LRRC53: variants seen among roughly 807,000 people sequenced by gnomAD.
LRRC53 encodes leucine-rich repeat-containing protein 53.
A neutral mutation model predicts 13.6 loss-of-function variants in LRRC53; 25 were observed. That is an observed-to-expected ratio of 1.83 (90% CI 1.34 to 2.56). The LOEUF is 2.56. Among genes scored for constraint, LRRC53 ranks in the 30% most tolerant of loss-of-function variants. LRRC53 has a pLI of 0.00. For missense variants in LRRC53, 527 were observed against 275.8 expected (o/e 1.91, Z -6.45); for synonymous variants, 204 against 109.8 (o/e 1.86, Z -5.37).
At chr1:74,531,597 G>T in the LRRC53 span, among the ~76,000 whole-genome samples, 59 of 152,302 alleles carry the variant, frequency 3.9e-4, no homozygotes, top group African/African-American at 1.4e-3. Context: ...GATGACTCTA[G>T]TAGCCTTTTC....
the LRRC53 span, among the ~76,000 whole-genome samples, chr1:74,518,471 T>C: frequency 6.6e-6 from 1 of 152,154 alleles, no homozygotes; most frequent in Non-Finnish European, 1.5e-5. Flanking sequence ...TGAGATGCTT[T>C]TCTTACCTCA....
intron 1 of LRRC53, among the ~76,000 whole-genome samples, chr1:74,494,130 G>A (rs1256055805): frequency 2.6e-5 from 4 of 152,032 alleles, no homozygotes; most frequent in South Asian, 2.1e-4. Flanking sequence ...CTCCGTCCAC[G>A]TGAGCACCAA....
At chr1:74,515,253 A>C (rs1646332999), upstream of LRRC53, among the ~76,000 whole-genome samples, 1 of 152,226 alleles carries the variant, frequency 6.6e-6, no homozygotes, top group Non-Finnish European at 1.5e-5. Flanking sequence ...CATAGAGCTT[A>C]GGAAGAAAAC....
upstream of LRRC53, among the ~76,000 whole-genome samples, chr1:74,514,034 C>T (rs1442583257): frequency 1.3e-5 from 2 of 152,046 alleles, no homozygotes; most frequent in East Asian, 3.9e-4. Context: ...GGTTGTCAGC[C>T]AGTAAACGAT....
intron 1 of LRRC53, among the ~76,000 whole-genome samples, chr1:74,511,174 G>A (rs978380250): frequency 1.3e-5 from 2 of 148,758 alleles, no homozygotes; most frequent in African/African-American, 2.5e-5. Context: ...GATTACAGGC[G>A]TGAGCTACCG....
At chr1:74,528,719 C>T in the LRRC53 span, among the ~76,000 whole-genome samples, 1 of 152,196 alleles carries the variant, frequency 6.6e-6, no homozygotes, top group African/African-American at 2.4e-5. Flanking sequence ...TGTTTACACA[C>T]CTATGTATGC....
At chr1:74,503,584 T>C (rs1034117139) in intron 1 of LRRC53, among the ~76,000 whole-genome samples, 2 of 149,562 alleles carry the variant, frequency 1.3e-5, no homozygotes, top group African/African-American at 5.0e-5. Context: ...GACAAGACCA[T>C]TTTTTTTTAG....
intron 1 of LRRC53, chr1:74,492,315 C>A: frequency 1.4e-6 from 2 of 1,417,398 alleles, no homozygotes; most frequent in Non-Finnish European, 1.9e-6. Flanking sequence ...ATTTCAGAAT[C>A]TTATCAAGAC....
At chr1:74,498,402 C>T (rs2100330556) in intron 1 of LRRC53, among the ~76,000 whole-genome samples, 1 of 152,264 alleles carries the variant, frequency 6.6e-6, no homozygotes, top group Non-Finnish European at 1.5e-5. Context: ...CGTTATAATT[C>T]ATGTTATTTT....
At chr1:74,514,388 C>T (rs1646317025), upstream of LRRC53, among the ~76,000 whole-genome samples, 1 of 152,036 alleles carries the variant, frequency 6.6e-6, no homozygotes, top group Non-Finnish European at 1.5e-5. Context: ...AGTTCCTTAT[C>T]GAGAGGAAGC....
chr1:74,530,620 C>A, the LRRC53 span, among the ~76,000 whole-genome samples: 174 of 152,180 alleles, frequency 1.1e-3, no homozygotes, highest in African/African-American at 3.9e-3. Context: ...TAGGTTATTT[C>A]AATTCTCAAG....
At chr1:74,533,131 C>A in the LRRC53 span, among the ~76,000 whole-genome samples, 2 of 152,032 alleles carry the variant, frequency 1.3e-5, no homozygotes, top group Non-Finnish European at 2.9e-5. Context: ...AACAGGCAAC[C>A]TACAAAATGG....
chr1:74,473,503 C>T lies in LRRC53; in HGVS notation c.1421-1302G>A, dbSNP rs375811234. On this transcript the variant is annotated intron_variant, in intron 4 of 4. Coordinates refer to ENST00000294635, the MANE Select transcript of LRRC53 (RefSeq NM_001382280.1). The stretch of plus-strand genomic sequence containing the variant: ...CAAAACATCTTAACCGCAAAAAATC[C>T]TAACAGCACTATTGCTATTTAAAAG... Among the ~76,000 whole-genome samples the T allele has an allele frequency of 1.8e-3, 272 of 151,396 alleles. 8 individuals carry two copies. The South Asian group carries it at 0.055, about 31-fold the overall frequency.
chr1:74,489,108 G>T (rs1235140972), intron 1 of LRRC53: 2 of 1,156,872 alleles, frequency 1.7e-6, no homozygotes, highest in Non-Finnish European at 2.5e-6. Context: ...CTTTACAAAT[G>T]CTAATACCCA....
chr1:74,482,474 G>A lies in LRRC53; in HGVS notation c.88+788C>T, dbSNP rs79050197. Among the ~76,000 whole-genome samples, 1,370 of 152,272 alleles carry A rather than the reference G, an allele frequency of 9.0e-3. 11 individuals are homozygous for A. The highest frequency in any genetic ancestry group is 0.027 in the African/African-American group (1,120 of 41,562). On this transcript the variant is annotated intron_variant, in intron 2 of 4. Transcript: ENST00000294635. ...GTTAAAGCATTTTCAATACTGATTA[G>A]AAACGATATACACATCAACTATCCA...
intron 1 of LRRC53, among the ~76,000 whole-genome samples, chr1:74,498,862 T>A (rs566416359): frequency 3.2e-4 from 48 of 152,238 alleles, no homozygotes; most frequent in African/African-American, 6.5e-4. Flanking sequence ...TTAAAAAAAA[T>A]TTTAATATTT....
intron 1 of LRRC53, among the ~76,000 whole-genome samples, chr1:74,502,747 C>A (rs1338226709): frequency 6.6e-6 from 1 of 152,174 alleles, no homozygotes; most frequent in African/African-American, 2.4e-5. Flanking sequence ...TCAGCTTATG[C>A]CTCCTGAAGA....
chr1:74,488,936 C>T (rs185390245), intron 1 of LRRC53, among the ~76,000 whole-genome samples: 17 of 152,286 alleles, frequency 1.1e-4, no homozygotes, highest in African/African-American at 3.8e-4. Context: ...CTAATTAAAG[C>T]TTTTCCACTA....
chr1:74,536,537 G>A, the LRRC53 span, among the ~76,000 whole-genome samples: 1 of 151,936 alleles, frequency 6.6e-6, no homozygotes, highest in African/African-American at 2.4e-5. Context: ...TTATATTTAT[G>A]TATACATCAT....
Sources: allele counts gnomAD v4.1 joint callset (sites outside exome capture counted in the v4.1 genomes callset), GRCh38; gene constraint gnomAD v4.1.1; transcripts MANE v1.5; gene names NCBI Gene and HGNC (gene_info 2026-07-23, HGNC 2026-07-21).